The following KRT14 variants were observed in gnomAD, a reference collection of about 807,000 sequenced individuals.
KRT14 encodes keratin, type I cytoskeletal 14.
A neutral mutation model predicts 44.5 loss-of-function variants in KRT14; 30 were observed. The observed-to-expected ratio is 0.67, with a 90% CI of 0.50 to 0.92. The LOEUF (loss-of-function observed/expected upper bound fraction) is 0.92, where lower values mean the gene tolerates loss of function less well. Among genes scored for constraint, KRT14 ranks in the 40% least tolerant of loss-of-function variants. The pLI is 0.00. For synonymous variants in KRT14, 241 were observed against 257.6 expected (o/e 0.94, Z 0.62); for missense variants, 535 against 640.6 (o/e 0.84, Z 1.78).
chr17:41,584,188 A>G (rs1907446564), intron 3 of KRT14, 69 bp downstream of exon 3: 22 of 1,497,798 alleles, frequency 1.5e-5, no homozygotes, highest in South Asian at 2.3e-5. Flanking sequence ...AGCTGGGACT[A>G]TGGGCACGCA....
chr17:41,583,641 G>T lies in KRT14; in HGVS notation c.963C>A (p.Ser321Arg). The T allele has an allele frequency of 6.2e-7, 1 of 1,614,180 alleles. No individual in the cohort carries two copies. Among genetic ancestry groups the T allele is most frequent in the South Asian group, 1.1e-5 (1 of 91,086 alleles). Residue 321 changes from serine (S) to arginine (R), a missense_variant, in exon 5 of 8, where the codon AGC (serine) becomes AGA (arginine). Coordinates refer to ENST00000167586, the MANE Select transcript of KRT14 (RefSeq NM_000526.5). ...CGCTCTTGCCGCTCTGCACCAGCTC[G>T]CTGTTGGTGGCCACCTCGCGGTTCA... ...EELNREVATN[S>R]ELVQSGKSEI...
rs1907413156 is a variant in KRT14 at position 41,583,585 on chromosome 17, T to A, written c.1019A>T (p.Asn340Ile). The change falls in exon 5 of 8, where the codon AAC (asparagine) becomes ATC (isoleucine). Residue 340 changes from asparagine (N) to isoleucine (I), a missense_variant. Asn to Ile is a moderately radical substitution (Grantham distance 149, BLOSUM62 -3). Coordinates refer to ENST00000167586, the MANE Select transcript of KRT14 (RefSeq NM_000526.5). Reference protein sequence around the residue: ...EISELRRTMQNLEIELQSQLS... With the variant: ...EISELRRTMQILEIELQSQLS... ...CTGGGACTGCAGCTCAATCTCCAGG[T>A]TCTGCATGGTGCGCCGGAGCTCCGA... 11 of 1,614,190 alleles carry A rather than the reference T, an allele frequency of 6.8e-6. No homozygotes were observed. Among genetic ancestry groups the A allele is most frequent in the African/African-American group, 1.3e-5 (1 of 75,056 alleles).
At position 41,582,739 on chromosome 17, in the gene KRT14, GT is replaced by G. The variant is rs920064804; in HGVS notation, c.1322-208del. 10 of 622,662 alleles carry G rather than the reference GT, an allele frequency of 1.6e-5. No individual in the cohort carries two copies. In the African/African-American group the frequency reaches 1.8e-4, roughly 11 times the overall value. 38.6% of individuals were successfully genotyped at this position (622,662 alleles called of 1,614,324 possible). A position where few individuals can be genotyped will look rare whatever the true frequency, so the allele number is the denominator to read the frequency against. ...AGGGCTCCCAAAGGTCAGAGACAGA[GT>G]CTTTGCCCTCAGATTAGAGCTTCCT... On this transcript the variant is annotated intron_variant, in intron 7 of 7. Coordinates refer to ENST00000167586, the MANE Select transcript of KRT14 (RefSeq NM_000526.5).
chr17:41,585,920 C>A (rs372282988), intron 1 of KRT14, among the ~76,000 whole-genome samples: 19 of 152,344 alleles, frequency 1.2e-4, no homozygotes, highest in African/African-American at 4.3e-4. Flanking sequence ...GAGCCTCACT[C>A]CTCCCCTGTG....
intron 2 of KRT14, 90 bp from the exon 3 acceptor site, chr17:41,584,503 T>C (rs561953472): frequency 6.3e-5 from 92 of 1,464,402 alleles, no homozygotes; most frequent in Non-Finnish European, 8.4e-5. Context: ...CTCCCAGAGC[T>C]GGTGCCTTGT....
chr17:41,584,056 T>TCA, intron 3 of KRT14, 135 bp from the exon 4 acceptor site: 1 of 405,754 alleles, frequency 2.5e-6, no homozygotes, highest in Non-Finnish European at 4.3e-6. Flanking sequence ...TCTCAATCTC[T>TCA]CTCTCTCTCT....
rs757222057 is a variant in KRT14 at position 41,586,628 on chromosome 17, A to G, written c.207T>C (p.Tyr69=). 4 of 1,610,888 alleles carry G rather than the reference A, an allele frequency of 2.5e-6. No homozygotes were observed. The East Asian group carries it at 8.9e-5, about 36-fold the overall frequency. The part of the protein sequence containing the change: ...SGGACGLGGG[Y]GGGFSSSSSS... Reference sequence around the variant, plus strand: ...TGCTGCTGCTGCTGAAGCCACCGCCATAGCCGCCCCCCAGCCCGCAGGCTC... The same window carrying G: ...TGCTGCTGCTGCTGAAGCCACCGCCGTAGCCGCCCCCCAGCCCGCAGGCTC... Residue 69 remains tyrosine (Y), a synonymous_variant, in exon 1 of 8, where the codon TAT becomes TAC. Coordinates refer to ENST00000167586, the MANE Select transcript of KRT14 (RefSeq NM_000526.5).
intron 2 of KRT14, among the ~76,000 whole-genome samples, chr17:41,584,628 A>T (rs1567737259): frequency 6.6e-6 from 1 of 152,304 alleles, no homozygotes; most frequent in East Asian, 1.9e-4. Context: ...TTGCTGCAGA[A>T]ATCAGGAGGG....
At position 41,586,829 on chromosome 17, in the gene KRT14, G is replaced by A. The variant is rs11551759; in HGVS notation, c.6C>T (p.Thr2=). The change falls in exon 1 of 8, where the codon ACC becomes ACT. Residue 2 remains threonine (T), a synonymous_variant. Coordinates refer to ENST00000167586, the MANE Select transcript of KRT14 (RefSeq NM_000526.5). M[T]TCSRQFTSSS... is the part of the protein sequence containing the mutation. ...AGGAGGTGAACTGGCGGCTGCAGGT[G>A]GTCATGGTGCAGAGGAGGGAGGTGA... 924,141 of 1,583,934 alleles carry A rather than the reference G, an allele frequency of 0.58. 275,896 individuals are homozygous for A. The highest frequency in any genetic ancestry group is 0.96 in the East Asian group (41,514 of 43,340).
Position 41,586,635 on chromosome 17 carries a change from C to T in KRT14, c.200G>A (p.Gly67Asp), listed in dbSNP as rs780585472. ...GCTGCTGAAGCCACCGCCATAGCCG[C>T]CCCCCAGCCCGCAGGCTCCCCCAGA... ...FSSGGACGLGGGYGGGFSSSS... is the reference protein window; with the variant it reads ...FSSGGACGLGDGYGGGFSSSS... Residue 67 changes from glycine (G) to aspartate (D), a missense_variant, in exon 1 of 8, where the codon GGC (glycine) becomes GAC (aspartate). By Grantham distance (94) the Gly-to-Asp change is moderately conservative. Transcript: ENST00000167586. 5 of 1,607,364 alleles carry T rather than the reference C, an allele frequency of 3.1e-6. No homozygotes were observed. The highest frequency in any genetic ancestry group is 2.2e-5 in the South Asian group (2 of 90,678).
Position 41,582,614 on chromosome 17 carries a change from G to A in KRT14, c.1322-82C>T. 5.9e-6 allele frequency: 7 copies of A among 1,178,640 alleles called. 1 individual carries two copies. The South Asian group carries it at 7.8e-5, about 13-fold the overall frequency. The allele number at this position is 1,178,640 out of a possible 1,614,324, so 73.0% of individuals were successfully genotyped here. A position where few individuals can be genotyped will look rare whatever the true frequency, so the allele number is the denominator to read the frequency against. ...AGGAGTAAGGAGGCCAAGAAGGTGA[G>A]GAAACTCAAACTGGCTCCCCATTGC... On this transcript the variant is annotated intron_variant, in intron 7 of 7. Transcript: ENST00000167586.
At chr17:41,583,525 A>G (rs747788410) in intron 5 of KRT14, 26 bp downstream of exon 5, 8 of 1,614,154 alleles carry the variant, frequency 5.0e-6, no homozygotes, top group Non-Finnish European at 5.9e-6. Context: ...TCCTGGGTGC[A>G]CCACCCTTCC....
chr17:41,586,412 G>T lies in KRT14; in HGVS notation c.423C>A (p.Ala141=). The T allele has an allele frequency of 6.2e-7, 1 of 1,614,000 alleles. No homozygotes were observed. Among genetic ancestry groups the T allele is most frequent in the East Asian group, 2.2e-5 (1 of 44,870 alleles). ...AGTCACGGATCTTCACTTCCAGGTC[G>T]GCGTTGGCCTCCTCCAGAGCACGCA... The part of the protein sequence containing the change: ...DKVRALEEAN[A]DLEVKIRDWY... The change falls in exon 1 of 8, where the codon GCC becomes GCA. Residue 141 remains alanine, a synonymous_variant. Coordinates refer to ENST00000167586, the MANE Select transcript of KRT14 (RefSeq NM_000526.5).
At chr17:41,585,195 C>T (rs1445115633) in intron 1 of KRT14, 138 bp from the exon 2 acceptor site, 4 of 720,294 alleles carry the variant, frequency 5.6e-6, no homozygotes, top group Non-Finnish European at 5.0e-6. Flanking sequence ...CATAGCAGCC[C>T]AAAGGAAAAC....
At position 41,583,605 on chromosome 17, in the gene KRT14, C is replaced by T. The variant is rs1451546763; in HGVS notation, c.999G>A (p.Glu333=). 9 of 1,614,092 alleles carry T rather than the reference C, an allele frequency of 5.6e-6. No homozygotes were observed. Among genetic ancestry groups the T allele is most frequent in the Admixed American group, 1.7e-5 (1 of 60,010 alleles). The change falls in exon 5 of 8, where the codon GAG becomes GAA. Residue 333 remains glutamate (E), a synonymous_variant. Coordinates refer to ENST00000167586, the MANE Select transcript of KRT14 (RefSeq NM_000526.5). The part of the protein sequence containing the change: ...LVQSGKSEIS[E]LRRTMQNLEI... ...CCAGGTTCTGCATGGTGCGCCGGAG[C>T]TCCGAGATCTCGCTCTTGCCGCTCT...
In KRT14 at chr17:41,582,297, G is replaced by A; in HGVS notation, c.*138C>T. On this transcript the variant is annotated 3_prime_UTR_variant, in exon 8 of 8. Coordinates refer to ENST00000167586, the MANE Select transcript of KRT14 (RefSeq NM_000526.5). ...GCGAGAATTATGCAACTCAGATAAT[G>A]AAGCTGTATTGATTGCCAGGAGGGG... 3 of 661,758 alleles carry A rather than the reference G, an allele frequency of 4.5e-6. No homozygotes were observed. The highest frequency in any genetic ancestry group is 5.4e-6 in the Non-Finnish European group (2 of 367,500). 41.0% of individuals were successfully genotyped at this position (661,758 alleles called of 1,614,324 possible).
At chr17:41,585,816 G>A (rs994102510) in intron 1 of KRT14, among the ~76,000 whole-genome samples, 2 of 152,240 alleles carry the variant, frequency 1.3e-5, no homozygotes, top group African/African-American at 4.8e-5. Flanking sequence ...GCTGTGGGGA[G>A]GGACCAGCCT....
At chr17:41,585,977 G>C (rs1907511786) in intron 1 of KRT14, among the ~76,000 whole-genome samples, 1 of 152,242 alleles carries the variant, frequency 6.6e-6, no homozygotes, top group South Asian at 2.1e-4. Flanking sequence ...AGGGCACAAG[G>C]GCCCCAGCCT....
chr17:41,584,029 T>C, intron 3 of KRT14, 108 bp from the exon 4 acceptor site: 1 of 802,532 alleles, frequency 1.2e-6, no homozygotes, highest in Non-Finnish European at 2.0e-6. Context: ...ATCTCGACTC[T>C]CCCTTCTCTC....
Sources: allele counts gnomAD v4.1 joint callset (sites outside exome capture counted in the v4.1 genomes callset), GRCh38; gene constraint gnomAD v4.1.1; transcripts MANE v1.5; gene names NCBI Gene and HGNC (gene_info 2026-07-23, HGNC 2026-07-21).